The following HBS1L variants were observed in gnomAD, a reference collection of about 807,000 sequenced individuals.
The protein encoded by HBS1L is HBS1 like translational GTPase.
In HBS1L, 55 loss-of-function variants were observed where a neutral mutation model predicts 88.9. The ratio of observed to expected loss-of-function variants is 0.62; its 90% CI spans 0.50 to 0.77. The LOEUF is 0.77. Ranked by LOEUF, HBS1L falls within the 30% of genes least tolerant of loss-of-function variation. The probability of loss-of-function intolerance (pLI) is 0.00; values close to 1 mark genes in which losing one functional copy is unlikely to be tolerated. For synonymous variants in HBS1L, 267 were observed against 288.5 expected (o/e 0.93, Z 0.76); for missense variants, 741 against 829.3 (o/e 0.89, Z 1.31).
chr6:135,036,852 C>T (rs1320648170), intron 4 of HBS1L: 9 of 1,551,578 alleles, frequency 5.8e-6, no homozygotes, highest in Non-Finnish European at 7.8e-6. Context: ...TGTTGTTTTT[C>T]TTATTATCCT....
At chr6:135,005,771 C>T (rs963249919) in intron 4 of HBS1L, among the ~76,000 whole-genome samples, 4 of 152,044 alleles carry the variant, frequency 2.6e-5, no homozygotes, top group South Asian at 2.1e-4. Flanking sequence ...ACGGGAGAAA[C>T]GCTCTTTTAT....
intron 4 of HBS1L, chr6:135,037,542 C>T (rs1776594293): frequency 6.4e-7 from 1 of 1,550,594 alleles, no homozygotes; most frequent in Admixed American, 2.0e-5. Context: ...GAAAATCAGA[C>T]AGTGAATTAT....
At chr6:135,037,725 T>C (rs1343927111) in intron 4 of HBS1L, 1 of 1,550,994 alleles carries the variant, frequency 6.4e-7, no homozygotes. Flanking sequence ...CTGTAGATGA[T>C]AATCTGACTG....
At chr6:134,989,950 AACTT>A (rs1304827985) in intron 8 of HBS1L, among the ~76,000 whole-genome samples, 5 of 152,284 alleles carry the variant, frequency 3.3e-5, no homozygotes, top group South Asian at 4.1e-4. Context: ...CTGTGTTACC[AACTT>A]ACTTACTTCA....
chr6:135,017,534 A>T (rs1433880676), intron 4 of HBS1L, among the ~76,000 whole-genome samples: 1 of 152,122 alleles, frequency 6.6e-6, no homozygotes, highest in Non-Finnish European at 1.5e-5. Context: ...GTTTTAAATT[A>T]AAAATGCCTT....
At chr6:134,992,676 C>T (rs1775175872) in intron 8 of HBS1L, among the ~76,000 whole-genome samples, 1 of 151,964 alleles carries the variant, frequency 6.6e-6, no homozygotes, top group Non-Finnish European at 1.5e-5. Context: ...TTTCGTACAG[C>T]TGTACAACGT....
rs1774312669 is a variant in HBS1L, at chr6:134,966,313, C to T, written c.2043+16G>A. The T allele has an allele frequency of 1.2e-6, 2 of 1,601,470 alleles. No homozygotes were observed. The highest frequency in any genetic ancestry group is 1.7e-6 in the Non-Finnish European group (2 of 1,174,786). On this transcript the variant is annotated intron_variant, in intron 17 of 17. Transcript: ENST00000367837. ...ATAACTATGGATATATAATGAGTCACTTTAAAATAAAATACCTCAGTGACA... is the reference window on the plus strand; with the variant it reads ...ATAACTATGGATATATAATGAGTCATTTTAAAATAAAATACCTCAGTGACA...
chr6:134,996,657 C>T lies in HBS1L; in HGVS notation c.965+120G>A, dbSNP rs112642191. ...AAAATAGTTCCCTGATATCTAAAAG[C>T]TATTTTCTAAAAATAATCTCTAAAG... is the stretch of plus-strand genomic sequence containing the variant. On this transcript the variant is annotated intron_variant, in intron 7 of 17. Transcript: ENST00000367837. 22 of 695,356 alleles carry T rather than the reference C, an allele frequency of 3.2e-5. No homozygotes were observed. The African/African-American group carries it at 3.9e-4, about 12-fold the overall frequency. 43.1% of individuals were successfully genotyped at this position (695,356 alleles called of 1,614,324 possible).
intron 4 of HBS1L, among the ~76,000 whole-genome samples, chr6:135,032,978 C>T (rs1776432148): frequency 7.4e-6 from 1 of 135,068 alleles, no homozygotes; most frequent in African/African-American, 2.7e-5. Context: ...GAAATGAAAC[C>T]CTGGTTCTTG....
chr6:134,988,383 A>G (rs1047917736), intron 8 of HBS1L, among the ~76,000 whole-genome samples: 2 of 151,784 alleles, frequency 1.3e-5, no homozygotes, highest in African/African-American at 4.8e-5. Context: ...AACAGTAGAC[A>G]GGGAGGGACA....
chr6:135,021,546 A>G (rs1776070727), intron 4 of HBS1L, among the ~76,000 whole-genome samples: 1 of 152,100 alleles, frequency 6.6e-6, no homozygotes, highest in African/African-American at 2.4e-5. Context: ...ATGAATGACA[A>G]GTCTCGGTTA....
chr6:135,048,571 T>C (rs34546690), intron 2 of HBS1L, among the ~76,000 whole-genome samples: 76,509 of 152,058 alleles, frequency 0.5, 19,353 homozygotes, highest in South Asian at 0.56. Context: ...GGAGCCTCCA[T>C]CAGCTTCTAA....
At chr6:135,004,189 G>GA (rs1775544189) in intron 4 of HBS1L, among the ~76,000 whole-genome samples, 2 of 151,590 alleles carry the variant, frequency 1.3e-5, no homozygotes, top group Non-Finnish European at 2.9e-5. Flanking sequence ...CTGGAAATGT[G>GA]ATGGTGAAGA....
chr6:134,971,310 T>C (rs1425933894), intron 15 of HBS1L, among the ~76,000 whole-genome samples: 1 of 152,206 alleles, frequency 6.6e-6, no homozygotes, highest in African/African-American at 2.4e-5. Flanking sequence ...TCTTAACCAG[T>C]ACCAATATAA....
At chr6:135,005,758 G>C (rs1411179592) in intron 4 of HBS1L, among the ~76,000 whole-genome samples, 1 of 152,172 alleles carries the variant, frequency 6.6e-6, no homozygotes, top group Non-Finnish European at 1.5e-5. Flanking sequence ...AAACTGAGCT[G>C]AGACGGGAGA....
At chr6:134,975,508 T>A (rs1774616959) in intron 15 of HBS1L, among the ~76,000 whole-genome samples, 1 of 152,160 alleles carries the variant, frequency 6.6e-6, no homozygotes, top group Non-Finnish European at 1.5e-5. Flanking sequence ...CTTCAAATTA[T>A]ACTACAGGCT....
intron 1 of HBS1L, among the ~76,000 whole-genome samples, chr6:135,051,096 T>C (rs9402679): frequency 0.9 from 137,372 of 151,908 alleles, 62,378 homozygotes; most frequent in East Asian, 1. Context: ...CATGGTGACG[T>C]GCACCTGTAA....
In HBS1L at chr6:134,996,805, A is replaced by G; in HGVS notation, c.937T>C (p.Leu313=). 6.2e-7 allele frequency: 1 copy of G among 1,606,270 alleles called. No individual in the cohort carries two copies. Among genetic ancestry groups the G allele is most frequent in the Middle Eastern group, 1.7e-4 (1 of 6,028 alleles). ...TCCCTTTCTTCGCCAGTTTCATCCA[A>G]GACCCATGCATATGCAAACGAAGCT... ...GKASFAYAWV[L]DETGEERERG... is the part of the protein sequence containing the mutation. Residue 313 remains leucine, a synonymous_variant, in exon 7 of 18, where the codon TTG becomes CTG. Coordinates refer to ENST00000367837, the MANE Select transcript of HBS1L (RefSeq NM_006620.4).
chr6:134,992,223 T>C (rs1363160373), intron 8 of HBS1L, among the ~76,000 whole-genome samples: 1 of 152,206 alleles, frequency 6.6e-6, no homozygotes, highest in Non-Finnish European at 1.5e-5. Context: ...TGCAGTGCTA[T>C]TTTCATTGCT....
Sources: gnomAD v4.1 joint callset for allele counts (sites outside exome capture counted in the v4.1 genomes callset) on GRCh38, gnomAD v4.1.1 for gene constraint, MANE v1.5 for transcripts, NCBI Gene and HGNC (gene_info 2026-07-23, HGNC 2026-07-21) for gene names.